Variants in PCYT1B observed in about 807,000 individuals in gnomAD.
The protein encoded by PCYT1B is choline-phosphate cytidylyltransferase B.
A neutral mutation model predicts 26.4 loss-of-function variants in PCYT1B; 10 were observed. The observed-to-expected ratio is 0.38, with a 90% CI of 0.23 to 0.64. The LOEUF is 0.64. PCYT1B is among the 30% of genes least tolerant of loss of function. The pLI is 0.56. For missense variants in PCYT1B, 161 were observed against 292.7 expected, an observed-to-expected ratio of 0.55 and a Z score of 3.28; for synonymous variants, 131 against 108.4, an observed-to-expected ratio of 1.21 and a Z score of -1.29.
chrX:24,593,853 G>A (rs1001721297), intron 3 of PCYT1B, among the ~76,000 whole-genome samples: 7 of 111,084 alleles, frequency 6.3e-5, no homozygotes, highest in African/African-American at 1.3e-4. Flanking sequence ...CAACATACAC[G>A]CAAAGGAGAG....
chrX:24,633,772 C>T lies in PCYT1B; in HGVS notation c.117+13217G>A, dbSNP rs151095236. ...CTTAACTCTTGTTTACATAAATTAGCCTATGTTAAAACTGGTTTCATTCCA... is the reference window on the plus strand; with the variant it reads ...CTTAACTCTTGTTTACATAAATTAGTCTATGTTAAAACTGGTTTCATTCCA... On this transcript the variant is annotated intron_variant, in intron 1 of 7. Transcript: ENST00000379144. 7.3e-3 allele frequency among the ~76,000 whole-genome samples: 814 copies of T among 111,791 alleles called. 3 individuals are homozygous for T. The highest frequency in any genetic ancestry group is 0.025 in the African/African-American group (758 of 30,809).
chrX:24,635,325 A>T (rs1926238578), intron 1 of PCYT1B, among the ~76,000 whole-genome samples: 1 of 112,185 alleles, frequency 8.9e-6, no homozygotes, highest in African/African-American at 3.2e-5. Context: ...ACTAAAATGC[A>T]TTCCTTTGTC....
chrX:24,611,412 T>A (rs1196160320), intron 2 of PCYT1B, among the ~76,000 whole-genome samples: 2 of 111,643 alleles, frequency 1.8e-5, no homozygotes, highest in African/African-American at 6.5e-5. Context: ...CCAGAGCATC[T>A]ATGTGAGATA....
chrX:24,656,370 G>C (rs1223903060), intron 1 of PCYT1B, among the ~76,000 whole-genome samples: 2 of 107,973 alleles, frequency 1.9e-5, no homozygotes, highest in African/African-American at 6.7e-5. Context: ...TTGAATGTAA[G>C]TGCAGTTTTA....
intron 7 of PCYT1B, among the ~76,000 whole-genome samples, chrX:24,570,978 G>GAGGCT (rs1275133826): frequency 3.6e-5 from 4 of 112,217 alleles, no homozygotes; most frequent in Non-Finnish European, 5.6e-5. Flanking sequence ...CCAGGAGAAA[G>GAGGCT]AGGCTAGCCC....
intron 1 of PCYT1B, among the ~76,000 whole-genome samples, chrX:24,623,560 C>T (rs1463230788): frequency 9.1e-6 from 1 of 109,600 alleles, no homozygotes; most frequent in African/African-American, 3.3e-5. Context: ...TTCTTTCTAC[C>T]TAATTGAAGA....
chrX:24,661,973 G>A (rs1233889225), intron 1 of PCYT1B, among the ~76,000 whole-genome samples: 1 of 111,408 alleles, frequency 9.0e-6, no homozygotes, highest in African/African-American at 3.3e-5. Context: ...AGAACAGCCT[G>A]GGCAACATGG....
intron 1 of PCYT1B, among the ~76,000 whole-genome samples, chrX:24,665,088 C>G (rs1171176694): frequency 8.9e-6 from 1 of 111,757 alleles, no homozygotes; most frequent in Non-Finnish European, 1.9e-5. Context: ...TAAGTTTTCA[C>G]TCAATTTAGA....
rs1926842559 is a variant in PCYT1B, at chrX:24,654,092, CTTTCTTTCTTTTT to C, written c.63+18465_63+18477del. Among the ~76,000 whole-genome samples the C allele has an allele frequency of 8.2e-5, 6 of 73,360 alleles. No homozygotes were observed. In the South Asian group the frequency reaches 4.9e-3, roughly 60 times the overall value. The allele number at this position is 73,360 out of a possible 115,157, so 63.7% of individuals were successfully genotyped here. A position where few individuals can be genotyped will look rare whatever the true frequency, so the allele number is the denominator to read the frequency against. ...TATTCCTTCCACGTTTCTTTTCTTT[CTTTCTTTCTTTTT>C]TTTTTTTTTTTTTTTGAGATGGAGT... On this transcript the variant is annotated intron_variant, in intron 1 of 7. Coordinates refer to the PCYT1B transcript ENST00000379145.
intron 6 of PCYT1B, 122 bp from the exon 7 acceptor site, chrX:24,575,440 C>T: frequency 1.9e-6 from 1 of 530,445 alleles, no homozygotes; most frequent in East Asian, 3.9e-5. Context: ...CCTGAAGAGT[C>T]AAGATGTTGC....
At position 24,559,886 on chromosome X, in the gene PCYT1B, C is replaced by G; in HGVS notation, c.*2407G>C. The G allele has an allele frequency of 2.7e-5, 3 of 111,651 alleles. No individual in the cohort carries two copies. The highest frequency in any genetic ancestry group is 9.2e-3 in the Middle Eastern group (2 of 217). The allele number at this position is 111,651 out of a possible 1,213,427, so 9.2% of individuals were successfully genotyped here. ...CATTCCTTCTCAGTAGATTTGCAGC[C>G]TCAAGAGGGTGGAACGGGGGGACTC... On this transcript the variant is annotated 3_prime_UTR_variant, in exon 8 of 8. Coordinates refer to ENST00000379144, the MANE Select transcript of PCYT1B (RefSeq NM_004845.5).
At position 24,568,233 on chromosome X, in the gene PCYT1B, G is replaced by A. The variant is rs765905769; in HGVS notation, c.898-5728C>T. Among the ~76,000 whole-genome samples the A allele has an allele frequency of 2.7e-5, 3 of 111,657 alleles. No homozygotes were observed. The East Asian group carries it at 8.5e-4, about 32-fold the overall frequency. ...ACAGGTGCCAGGCACTGCTCTAAGG[G>A]CGTTGAAGTGTGAGCCAGTCTGGGT... On this transcript the variant is annotated intron_variant, in intron 7 of 7. Coordinates refer to ENST00000379144, the MANE Select transcript of PCYT1B (RefSeq NM_004845.5).
At chrX:24,616,250 TTTAA>T (rs1242082014) in intron 2 of PCYT1B, among the ~76,000 whole-genome samples, 1 of 92,779 alleles carries the variant, frequency 1.1e-5, no homozygotes, top group Non-Finnish European at 2.2e-5. Context: ...TTTTTTTTTT[TTTAA>T]AAAAACAGAG....
At chrX:24,585,417 T>C (rs1018977401) in intron 5 of PCYT1B, among the ~76,000 whole-genome samples, 1 of 111,779 alleles carries the variant, frequency 8.9e-6, no homozygotes, top group African/African-American at 3.3e-5. Flanking sequence ...TCCTGGGGAC[T>C]CTCTAGAGGA....
upstream of PCYT1B, among the ~76,000 whole-genome samples, chrX:24,651,160 T>G (rs947911193): frequency 1.8e-5 from 2 of 110,717 alleles, no homozygotes; most frequent in Admixed American, 1.9e-4. Flanking sequence ...TTTTTCTGCC[T>G]TTAACAAATA....
intron 2 of PCYT1B, among the ~76,000 whole-genome samples, chrX:24,610,400 G>A (rs887136179): frequency 1.8e-5 from 2 of 111,627 alleles, no homozygotes; most frequent in Non-Finnish European, 3.8e-5. Flanking sequence ...TGCCTTCATA[G>A]GATTATACTG....
chrX:24,646,412 T>C lies in PCYT1B; in HGVS notation c.117+577A>G, dbSNP rs1472469140. On this transcript the variant is annotated intron_variant, in intron 1 of 7. Coordinates refer to ENST00000379144, the MANE Select transcript of PCYT1B (RefSeq NM_004845.5). ...GAAGAGAAACCCTCACAGCACACTC[T>C]GGAAATGTTTTACAATTCGTTTTAA... is the stretch of plus-strand genomic sequence containing the variant. Among the ~76,000 whole-genome samples, 4 of 111,923 alleles carry C rather than the reference T, an allele frequency of 3.6e-5. No homozygotes were observed. In the Admixed American group the frequency reaches 3.8e-4, roughly 11 times the overall value.
chrX:24,604,721 T>C lies in PCYT1B; in HGVS notation c.334+3024A>G, dbSNP rs771387869. Among the ~76,000 whole-genome samples, 8 of 111,388 alleles carry C rather than the reference T, an allele frequency of 7.2e-5. No homozygotes were observed. The East Asian group carries it at 2.3e-3, about 32-fold the overall frequency. ...CAGGCATGCACCACCATGCCCAGCT[T>C]TCACTCTTACTCTGTCACTGTTCCC... On this transcript the variant is annotated intron_variant, in intron 3 of 7. Coordinates refer to ENST00000379144, the MANE Select transcript of PCYT1B (RefSeq NM_004845.5).
At chrX:24,651,539 T>C (rs1926782987), upstream of PCYT1B, among the ~76,000 whole-genome samples, 1 of 88,651 alleles carries the variant, frequency 1.1e-5, no homozygotes, top group African/African-American at 4.0e-5. Context: ...ATATTATTCT[T>C]TTTTTTTTTG....
Sources: gnomAD v4.1 joint callset for allele counts (sites outside exome capture counted in the v4.1 genomes callset) on GRCh38, gnomAD v4.1.1 for gene constraint, MANE v1.5 for transcripts, NCBI Gene and HGNC (gene_info 2026-07-23, HGNC 2026-07-21) for gene names.